The following RNF215 variants were observed in gnomAD, a reference collection of about 807,000 sequenced individuals.
RNF215 encodes the protein ring finger protein 215.
In RNF215, 41 loss-of-function variants were observed where a neutral mutation model predicts 44.8. The ratio of observed to expected loss-of-function variants is 0.92; its 90% CI spans 0.71 to 1.19. RNF215 has a LOEUF of 1.19. RNF215 is among the 50% of genes most tolerant of loss of function. The probability of loss-of-function intolerance (pLI) is 0.00; values close to 1 mark genes in which losing one functional copy is unlikely to be tolerated. For missense variants in RNF215, 452 were observed against 496.2 expected, an observed-to-expected ratio of 0.91 and a Z score of 0.85; for synonymous variants, 218 against 230.1, an observed-to-expected ratio of 0.95 and a Z score of 0.48.
At position 30,387,397 on chromosome 22, in the gene RNF215, A is replaced by C; in HGVS notation, c.-84T>G. 7.2e-6 allele frequency: 6 copies of C among 832,064 alleles called. No individual in the cohort carries two copies. Among genetic ancestry groups the C allele is most frequent in the Non-Finnish European group, 8.7e-6 (6 of 689,240 alleles). The allele number at this position is 832,064 out of a possible 1,614,324, so 51.5% of individuals were successfully genotyped here. On this transcript the variant is annotated 5_prime_UTR_variant, in exon 1 of 9. Coordinates refer to ENST00000382363, the MANE Select transcript of RNF215 (RefSeq NM_001017981.2). Reference sequence around the variant, plus strand: ...TCGGAGGGAGCGAGGCCGCTGCCGGACGGGGCGGGGCGCCGGGAGGGGCGG... The same window carrying C: ...TCGGAGGGAGCGAGGCCGCTGCCGGCCGGGGCGGGGCGCCGGGAGGGGCGG...
chr22:30,385,845 GA>G, intron 4 of RNF215, 58 bp downstream of exon 4: 1 of 1,522,214 alleles, frequency 6.6e-7, no homozygotes, highest in Non-Finnish European at 9.1e-7. Context: ...CAGTCCATGG[GA>G]GAACCAGGGG....
In RNF215 at chr22:30,381,259, G is replaced by A. The variant is rs540931967; in HGVS notation, c.745-858C>T. ...CTTGGGGGTCTGTGCGCTCCCATCG[G>A]TGGGAGGTAACCATAGCTGATGTGG... On this transcript the variant is annotated intron_variant, in intron 5 of 8. Transcript: ENST00000382363. Among the ~76,000 whole-genome samples, 71 of 152,312 alleles carry A rather than the reference G, an allele frequency of 4.7e-4. No homozygotes were observed. In the South Asian group the frequency reaches 0.014, roughly 29 times the overall value.
At chr22:30,386,241 G>T in intron 2 of RNF215, 100 bp from the exon 3 acceptor site, 2 of 1,134,590 alleles carry the variant, frequency 1.8e-6, no homozygotes, top group South Asian at 2.7e-5. Context: ...GCCCTGCAGT[G>T]AGCAAAACTC....
intron 2 of RNF215, 38 bp downstream of exon 2, chr22:30,386,577 CT>C (rs746542795): frequency 6.3e-7 from 1 of 1,587,610 alleles, no homozygotes; most frequent in South Asian, 1.1e-5. Flanking sequence ...CCTTGGAATC[CT>C]TTCCTCCAGC....
chr22:30,387,263 C>CGGCGGA lies in RNF215; in HGVS notation c.45_50dup (p.Pro19_Pro20dup), dbSNP rs1933616938. 9.7e-7 allele frequency: 1 copy of CGGCGGA among 1,033,526 alleles called. No individual in the cohort carries two copies. The highest frequency in any genetic ancestry group is 1.2e-6 in the Non-Finnish European group (1 of 856,570). The allele number at this position is 1,033,526 out of a possible 1,614,324, so 64.0% of individuals were successfully genotyped here. Reference sequence around the variant, plus strand: ...GCAGCAGCAGCGGAGACGGAGGCGGCGGCGGAGGCGGCGGCGGCGATCTCA... The same window carrying CGGCGGA: ...GCAGCAGCAGCGGAGACGGAGGCGGCGGCGGAGGCGGAGGCGGCGGCGGCGATCTCA... On this transcript the variant is annotated inframe_insertion, in exon 1 of 9. Transcript: ENST00000382363.
At position 30,387,268 on chromosome 22, in the gene RNF215, G is replaced by A. The variant is rs1933617074; in HGVS notation, c.46C>T (p.Pro16Ser). The A allele has an allele frequency of 5.9e-5, 62 of 1,056,494 alleles. No individual in the cohort carries two copies. Among genetic ancestry groups the A allele is most frequent in the Non-Finnish European group, 7.1e-5 (62 of 876,188 alleles). The allele number at this position is 1,056,494 out of a possible 1,614,324, so 65.4% of individuals were successfully genotyped here. A position where few individuals can be genotyped will look rare whatever the true frequency, so the allele number is the denominator to read the frequency against. Residue 16 changes from proline (P) to serine (S), a missense_variant, in exon 1 of 9, where the codon CCG becomes TCG. By Grantham distance (74) the Pro-to-Ser change is moderately conservative (BLOSUM62 -1). Transcript: ENST00000382363. ...RPALRSPPPP[P>S]PPPPSPLLLL... ...AGCAGCGGAGACGGAGGCGGCGGCG[G>A]AGGCGGCGGCGGCGATCTCAGCGCG...
At position 30,379,492 on chromosome 22, in the gene RNF215, G is replaced by A. The variant is rs1681097845; in HGVS notation, c.*108C>T. 7.2e-7 allele frequency: 1 copy of A among 1,382,984 alleles called. No homozygotes were observed. 85.7% of individuals were successfully genotyped at this position (1,382,984 alleles called of 1,614,324 possible). On this transcript the variant is annotated 3_prime_UTR_variant, in exon 9 of 9. Coordinates refer to ENST00000382363, the MANE Select transcript of RNF215 (RefSeq NM_001017981.2). ...CTTCCTCCCACCCACTGGGCTTGCTGTCCTGTCTATCCTGCTGTCCCATCC... is the reference window on the plus strand; with the variant it reads ...CTTCCTCCCACCCACTGGGCTTGCTATCCTGTCTATCCTGCTGTCCCATCC...
intron 5 of RNF215, among the ~76,000 whole-genome samples, chr22:30,382,291 T>G (rs535717463): frequency 6.6e-6 from 1 of 151,690 alleles, no homozygotes; most frequent in Admixed American, 6.6e-5. Flanking sequence ...GTAGTCCCGC[T>G]TACTAGGGAG....
chr22:30,384,403 G>C lies in RNF215; in HGVS notation c.680C>G (p.Ser227Cys). 1 of 1,614,066 alleles carries C rather than the reference G, an allele frequency of 6.2e-7. No homozygotes were observed. The highest frequency in any genetic ancestry group is 8.5e-7 in the Non-Finnish European group (1 of 1,179,988). Residue 227 changes from serine to cysteine, a missense_variant, in exon 5 of 9, where the codon TCC (serine) becomes TGC (cysteine). Coordinates refer to ENST00000382363, the MANE Select transcript of RNF215 (RefSeq NM_001017981.2). Reference protein sequence around the residue: ...KLTLWTTCGLSKDGYGGWQDL... With the variant: ...KLTLWTTCGLCKDGYGGWQDL... ...CTGCCATCCTCCATAGCCATCCTTG[G>C]AGAGGCCACAGGTGGTCCACAAGGT...
chr22:30,380,588 A>C lies in RNF215; in HGVS notation c.745-187T>G, dbSNP rs568384491. ...CATTGTGTGCTTCTCAGGATCACTC[A>C]CTCTGCCCTACACGTCTTCCCATCC... is the stretch of plus-strand genomic sequence containing the variant. On this transcript the variant is annotated intron_variant, in intron 5 of 8. Coordinates refer to ENST00000382363, the MANE Select transcript of RNF215 (RefSeq NM_001017981.2). This position sits in a 1 kb window ranked among gnomAD's most constrained non-coding sequence, Gnocchi z 5.3. Among the ~76,000 whole-genome samples, 2 of 150,824 alleles carry C rather than the reference A, an allele frequency of 1.3e-5. No individual in the cohort carries two copies. Among genetic ancestry groups the C allele is most frequent in the South Asian group, 4.2e-4 (2 of 4,790 alleles).
rs899188021 is a variant in RNF215 at position 30,387,344 on chromosome 22, G to A, written c.-31C>T. ...GACCCGGCGAGCTGGCCCAACAGTG[G>A]GGCCAGGGGTCCCGGGCGCGGGGGG... is the stretch of plus-strand genomic sequence containing the variant. On this transcript the variant is annotated 5_prime_UTR_variant, in exon 1 of 9. Coordinates refer to ENST00000382363, the MANE Select transcript of RNF215 (RefSeq NM_001017981.2). 108 of 1,050,018 alleles carry A rather than the reference G, an allele frequency of 1.0e-4. No individual in the cohort carries two copies. The highest frequency in any genetic ancestry group is 1.7e-4 in the Admixed American group (3 of 18,098). The allele number at this position is 1,050,018 out of a possible 1,614,324, so 65.0% of individuals were successfully genotyped here. A position where few individuals can be genotyped will look rare whatever the true frequency, so the allele number is the denominator to read the frequency against.
intron 5 of RNF215, among the ~76,000 whole-genome samples, chr22:30,381,446 A>T (rs2145983158): frequency 6.6e-6 from 1 of 152,278 alleles, no homozygotes; most frequent in Admixed American, 6.5e-5. Context: ...CTTGCCCCAG[A>T]TGCGGTGTGG....
At chr22:30,386,210 C>A in intron 2 of RNF215, 69 bp from the exon 3 acceptor site, 2 of 1,414,902 alleles carry the variant, frequency 1.4e-6, no homozygotes, top group Non-Finnish European at 1.9e-6. Context: ...CACCTGCAGC[C>A]CTAGCTGCTC....
In RNF215 at chr22:30,379,582, C is replaced by T. The variant is rs937695729; in HGVS notation, c.*18G>A. Reference sequence around the variant, plus strand: ...GGCAGGAAGGGTCCATCCCCATGTGCAGAGTCCAGCTGGGCAGCTAATCAT... The same window carrying T: ...GGCAGGAAGGGTCCATCCCCATGTGTAGAGTCCAGCTGGGCAGCTAATCAT... On this transcript the variant is annotated 3_prime_UTR_variant, in exon 9 of 9. Coordinates refer to ENST00000382363, the MANE Select transcript of RNF215 (RefSeq NM_001017981.2). 2 of 1,549,820 alleles carry T rather than the reference C, an allele frequency of 1.3e-6. No individual in the cohort carries two copies. Among genetic ancestry groups the T allele is most frequent in the South Asian group, 1.2e-5 (1 of 83,998 alleles).
Position 30,380,669 on chromosome 22 carries a change from T to A in RNF215, c.745-268A>T, listed in dbSNP as rs1487165401. Among the ~76,000 whole-genome samples, 1 of 152,024 alleles carries A rather than the reference T, an allele frequency of 6.6e-6. No homozygotes were observed. The highest frequency in any genetic ancestry group is 2.4e-5 in the African/African-American group (1 of 41,378). On this transcript the variant is annotated intron_variant, in intron 5 of 8. Transcript: ENST00000382363. This position sits in a 1 kb window ranked among gnomAD's most constrained non-coding sequence, Gnocchi z 5.3. ...CCCAGGGCTCTCTGGGCAACAAACC[T>A]GATGTTTTGCATACACAGAAGCTTC...
chr22:30,385,249 G>A (rs532081711), intron 4 of RNF215, among the ~76,000 whole-genome samples: 7 of 151,826 alleles, frequency 4.6e-5, no homozygotes, highest in African/African-American at 7.2e-5. Flanking sequence ...GTGAAACCCC[G>A]TCTCTACTAA....
At position 30,380,489 on chromosome 22, in the gene RNF215, G is replaced by A; in HGVS notation, c.745-88C>T. ...CTACCCCCAGGAACGCCAGGGAGCA[G>A]GCAGGTGAGGTATGCTGACGGCCTC... On this transcript the variant is annotated intron_variant, in intron 5 of 8. Coordinates refer to ENST00000382363, the MANE Select transcript of RNF215 (RefSeq NM_001017981.2). The surrounding 1 kb of genome is among the most constrained non-coding windows in gnomAD (Gnocchi z 5.3). The A allele has an allele frequency of 2.0e-6, 3 of 1,486,192 alleles. No homozygotes were observed. Among genetic ancestry groups the A allele is most frequent in the Non-Finnish European group, 2.7e-6 (3 of 1,110,396 alleles). The allele number at this position is 1,486,192 out of a possible 1,614,324, so 92.1% of individuals were successfully genotyped here.
At chr22:30,382,011 T>C (rs1156598357) in intron 5 of RNF215, among the ~76,000 whole-genome samples, 4 of 152,144 alleles carry the variant, frequency 2.6e-5, no homozygotes, top group East Asian at 1.9e-4. Context: ...TGGGCCCCCA[T>C]GAGCCCAGGG....
chr22:30,387,265 G>A lies in RNF215; in HGVS notation c.49C>T (p.Pro17Ser). The part of the protein sequence containing the change: ...PALRSPPPPP[P>S]PPPSPLLLLL... ...AGCAGCAGCGGAGACGGAGGCGGCG[G>A]CGGAGGCGGCGGCGGCGATCTCAGC... Residue 17 changes from proline to serine, a missense_variant, in exon 1 of 9, where the codon CCG becomes TCG. Physicochemically the swap from Pro to Ser is moderately conservative, Grantham distance 74 (BLOSUM62 -1). Coordinates refer to ENST00000382363, the MANE Select transcript of RNF215 (RefSeq NM_001017981.2). 1.9e-6 allele frequency: 2 copies of A among 1,043,328 alleles called. No homozygotes were observed. The highest frequency in any genetic ancestry group is 2.3e-6 in the Non-Finnish European group (2 of 864,812). 64.6% of individuals were successfully genotyped at this position (1,043,328 alleles called of 1,614,324 possible). A position where few individuals can be genotyped will look rare whatever the true frequency, so the allele number is the denominator to read the frequency against.
Sources: gnomAD v4.1 joint callset for allele counts (sites outside exome capture counted in the v4.1 genomes callset) on GRCh38, gnomAD v4.1.1 for gene constraint, Gnocchi (gnomAD v3.1) non-coding constraint, MANE v1.5 for transcripts, NCBI Gene and HGNC (gene_info 2026-07-23, HGNC 2026-07-21) for gene names.